SUPT3H: variants seen among roughly 807,000 people sequenced by gnomAD.
The protein encoded by SUPT3H is transcription initiation protein SPT3 homolog.
SUPT3H carries 44 observed loss-of-function variants against 44.3 expected under a neutral mutation model. That is an observed-to-expected ratio of 0.99 (90% CI 0.78 to 1.28). The LOEUF is 1.28. Ranked by LOEUF, SUPT3H falls within the 50% of genes most tolerant of loss-of-function variation. SUPT3H has a pLI of 0.00. For missense variants in SUPT3H, 380 were observed against 387.1 expected, an observed-to-expected ratio of 0.98 and a Z score of 0.15; for synonymous variants, 124 against 125.6, an observed-to-expected ratio of 0.99 and a Z score of 0.09.
intron 2 of SUPT3H, among the ~76,000 whole-genome samples, chr6:45,172,346 C>A (rs1013118150): frequency 6.6e-6 from 1 of 152,060 alleles, no homozygotes; most frequent in Non-Finnish European, 1.5e-5. Flanking sequence ...GCTGGGATTA[C>A]AGGCATGAGC....
At chr6:45,232,646 A>T (rs754677356) in intron 2 of SUPT3H, among the ~76,000 whole-genome samples, 1 of 152,094 alleles carries the variant, frequency 6.6e-6, no homozygotes, top group Non-Finnish European at 1.5e-5. Context: ...TAGTGGGATG[A>T]TCCTCTGGGG....
At chr6:44,811,182 C>G (rs898034436) in intron 11 of SUPT3H, among the ~76,000 whole-genome samples, 15 of 152,176 alleles carry the variant, frequency 9.9e-5, no homozygotes, top group African/African-American at 2.9e-4. Context: ...TTAGGCTCCT[C>G]TTGGCTATGA....
intron 10 of SUPT3H, among the ~76,000 whole-genome samples, chr6:44,835,132 CA>C (rs1386917251): frequency 6.6e-6 from 1 of 152,026 alleles, no homozygotes; most frequent in African/African-American, 2.4e-5. Context: ...TTAGGACCTT[CA>C]GGGGGTTGAT....
chr6:45,153,847 C>CAGG (rs1807345691), intron 2 of SUPT3H, among the ~76,000 whole-genome samples: 1 of 152,060 alleles, frequency 6.6e-6, no homozygotes, highest in Non-Finnish European at 1.5e-5. Flanking sequence ...GCGGGTGGAT[C>CAGG]AGTTAAGGTC....
chr6:45,355,315 C>T (rs1167511688), intron 2 of SUPT3H, among the ~76,000 whole-genome samples: 1 of 151,954 alleles, frequency 6.6e-6, no homozygotes, highest in Non-Finnish European at 1.5e-5. Context: ...TAATTATGAA[C>T]TTTCTGTATT....
intron 2 of SUPT3H, among the ~76,000 whole-genome samples, chr6:45,325,061 A>C (rs1481534565): frequency 6.6e-6 from 1 of 151,934 alleles, no homozygotes; most frequent in Non-Finnish European, 1.5e-5. Context: ...TGTCAAAAAA[A>C]AGTAAAATAA....
At chr6:45,336,407 C>T (rs1788561819) in intron 2 of SUPT3H, among the ~76,000 whole-genome samples, 1 of 151,288 alleles carries the variant, frequency 6.6e-6, no homozygotes, top group African/African-American at 2.4e-5. Flanking sequence ...CATTATCACT[C>T]ACAAGTACCC....
intron 9 of SUPT3H, among the ~76,000 whole-genome samples, chr6:44,935,089 A>C (rs1363643996): frequency 6.6e-6 from 1 of 152,190 alleles, no homozygotes; most frequent in East Asian, 1.9e-4. Flanking sequence ...TAATGAAGCT[A>C]CTAGGCGCAC....
At chr6:45,328,272 T>C (rs1270694602) in intron 2 of SUPT3H, 2 of 1,358,084 alleles carry the variant, frequency 1.5e-6, no homozygotes, top group South Asian at 1.2e-5. Context: ...CCAGTAATAG[T>C]GCTTGCAAAA....
At chr6:44,886,645 A>G (rs1262302414) in intron 10 of SUPT3H, among the ~76,000 whole-genome samples, 1 of 152,184 alleles carries the variant, frequency 6.6e-6, no homozygotes, top group Non-Finnish European at 1.5e-5. Flanking sequence ...AAAAACTGGT[A>G]CCAGCCACTG....
rs16873153 is a variant in SUPT3H at position 45,123,810 on chromosome 6, T to C, written c.102-17804A>G. Among the ~76,000 whole-genome samples the C allele has an allele frequency of 7.2e-4, 109 of 152,328 alleles. 2 individuals are homozygous for C. The East Asian group carries it at 0.019, about 27-fold the overall frequency. ...CAATGACAGTCCATAGATGAATGAA[T>C]GTGTATAGCTATGCTGCACTAAAAC... On this transcript the variant is annotated intron_variant, in intron 2 of 10. Transcript: ENST00000371459.
In SUPT3H at chr6:45,214,333, G is replaced by C. The variant is rs572555039; in HGVS notation, c.102-108327C>G. Among the ~76,000 whole-genome samples the C allele has an allele frequency of 6.6e-5, 10 of 152,124 alleles. No individual in the cohort carries two copies. The South Asian group carries it at 2.1e-3, about 32-fold the overall frequency. On this transcript the variant is annotated intron_variant, in intron 2 of 10. Transcript: ENST00000371459. ...AAATGGGAATGTAATGTGATTGACAGTATTCAGAAAACTAATGATAGTAAA... is the reference window on the plus strand; with the variant it reads ...AAATGGGAATGTAATGTGATTGACACTATTCAGAAAACTAATGATAGTAAA...
chr6:45,014,903 A>C lies in SUPT3H; in HGVS notation c.274-12T>G. ...CTTCTAAGTTTTTTCTATTAAAAAT[A>C]TAAAATAAGTAAATAAGAAAACCTA... is the stretch of plus-strand genomic sequence containing the variant. On this transcript the variant is annotated splice_polypyrimidine_tract_variant and intron_variant, in intron 4 of 10. Transcript: ENST00000371459. 1 of 1,452,048 alleles carries C rather than the reference A, an allele frequency of 6.9e-7. No homozygotes were observed. The highest frequency in any genetic ancestry group is 9.2e-7 in the Non-Finnish European group (1 of 1,086,876). 89.9% of individuals were successfully genotyped at this position (1,452,048 alleles called of 1,614,324 possible).
At chr6:45,355,426 C>T (rs1310563361) in intron 2 of SUPT3H, among the ~76,000 whole-genome samples, 1 of 151,930 alleles carries the variant, frequency 6.6e-6, no homozygotes, top group Non-Finnish European at 1.5e-5. Context: ...TATAACAGTT[C>T]CCCTACCCAT....
At chr6:45,244,842 T>C (rs1430847378) in intron 2 of SUPT3H, among the ~76,000 whole-genome samples, 2 of 152,174 alleles carry the variant, frequency 1.3e-5, no homozygotes, top group African/African-American at 2.4e-5. Flanking sequence ...GGGTTAAATT[T>C]CTTGAGAATA....
chr6:45,284,209 C>G (rs1778761853), intron 2 of SUPT3H, among the ~76,000 whole-genome samples: 1 of 152,080 alleles, frequency 6.6e-6, no homozygotes, highest in South Asian at 2.1e-4. Flanking sequence ...CAAACACATT[C>G]AAAAGCTAGC....
intron 10 of SUPT3H, among the ~76,000 whole-genome samples, chr6:44,881,907 G>A (rs1052674082): frequency 4.6e-5 from 7 of 152,158 alleles, no homozygotes; most frequent in Admixed American, 2.0e-4. Flanking sequence ...GAAATTTATA[G>A]CACTAAAATG....
intron 2 of SUPT3H, among the ~76,000 whole-genome samples, chr6:45,346,567 C>CTTTTTTTTTTTTTTTTTTTTTTT (rs71745024): frequency 7.1e-6 from 1 of 140,430 alleles, no homozygotes; most frequent in African/African-American, 2.6e-5. Flanking sequence ...ATAAACATTT[C>CTTTTTTTTTTTTTTTTTTTTTTT]TTTTTTTTTT....
rs992248013 is a variant in SUPT3H, at chr6:45,037,461, A to G, written c.187-16829T>C. 6.0e-5 allele frequency among the ~76,000 whole-genome samples: 9 copies of G among 151,122 alleles called. No individual in the cohort carries two copies. In the East Asian group the frequency reaches 1.7e-3, roughly 29 times the overall value. Reference sequence around the variant, plus strand: ...CAGGAGTTAGAGACCAGCCTGGCCGATATGGTGAAACCCTGTCTCTACTAA... The same window carrying G: ...CAGGAGTTAGAGACCAGCCTGGCCGGTATGGTGAAACCCTGTCTCTACTAA... On this transcript the variant is annotated intron_variant, in intron 3 of 10. Transcript: ENST00000371459.
Sources: gnomAD v4.1 joint callset for allele counts (sites outside exome capture counted in the v4.1 genomes callset) on GRCh38, gnomAD v4.1.1 for gene constraint, MANE v1.5 for transcripts, NCBI Gene and HGNC (gene_info 2026-07-23, HGNC 2026-07-21) for gene names.